Variants in PRDM16 observed in about 807,000 individuals in gnomAD.
The protein encoded by PRDM16 is histone-lysine N-methyltransferase PRDM16.
PRDM16 carries 23 observed loss-of-function variants against 110.6 expected under a neutral mutation model. The ratio of observed to expected loss-of-function variants is 0.21; its 90% CI spans 0.15 to 0.29. The LOEUF (loss-of-function observed/expected upper bound fraction) is 0.29, where lower values mean the gene tolerates loss of function less well. Among genes scored for constraint, PRDM16 ranks in the 10% least tolerant of loss-of-function variants. The pLI, the probability that PRDM16 is intolerant of heterozygous loss-of-function variation, is 1.00. For synonymous variants in PRDM16, 799 were observed against 781.8 expected (o/e 1.02, Z -0.37); for missense variants, 1,615 against 1,794.3 (o/e 0.90, Z 1.81).
rs937966532 is a variant in PRDM16, at chr1:3,425,449, C to T, written c.2940-132C>T. On this transcript the variant is annotated intron_variant, in intron 12 of 16. Coordinates refer to ENST00000270722, the MANE Select transcript of PRDM16 (RefSeq NM_022114.4). The surrounding 1 kb of genome is among the most constrained non-coding windows in gnomAD (Gnocchi z 6.9). Reference sequence around the variant, plus strand: ...TGCAGCTGGGAGATCCAGCAACCTCCGGGACACGGCGGGGCAAAGCTGTGC... The same window carrying T: ...TGCAGCTGGGAGATCCAGCAACCTCTGGGACACGGCGGGGCAAAGCTGTGC... The T allele has an allele frequency of 9.4e-5, 91 of 963,820 alleles. No homozygotes were observed. Among genetic ancestry groups the T allele is most frequent in the African/African-American group, 7.5e-4 (46 of 61,002 alleles). 59.7% of individuals were successfully genotyped at this position (963,820 alleles called of 1,614,324 possible). A position where few individuals can be genotyped will look rare whatever the true frequency, so the allele number is the denominator to read the frequency against.
intron 3 of PRDM16, among the ~76,000 whole-genome samples, chr1:3,381,398 TG>T (rs1451802537): frequency 2.7e-5 from 4 of 147,238 alleles, no homozygotes; most frequent in South Asian, 2.1e-4. Context: ...TGTTTTTTTC[TG>T]GTTTTTTTTT....
At chr1:3,267,825 A>G (rs963753481) in intron 3 of PRDM16, among the ~76,000 whole-genome samples, 2 of 152,136 alleles carry the variant, frequency 1.3e-5, no homozygotes, top group African/African-American at 4.8e-5. Flanking sequence ...ATTGGCTCCC[A>G]GGCCCACAGG....
chr1:3,431,703 T>C (rs1638773629), intron 15 of PRDM16, among the ~76,000 whole-genome samples: 1 of 151,900 alleles, frequency 6.6e-6, no homozygotes, highest in Non-Finnish European at 1.5e-5. Flanking sequence ...CACCCTCCAC[T>C]GGCAAGACCT....
chr1:3,225,592 G>A (rs1463545885), intron 2 of PRDM16, among the ~76,000 whole-genome samples: 9 of 150,548 alleles, frequency 6.0e-5, no homozygotes, highest in African/African-American at 2.2e-4. Flanking sequence ...GCAGAAGGAA[G>A]GAAACGCAAG....
At chr1:3,393,327 G>C (rs1224256058) in intron 4 of PRDM16, among the ~76,000 whole-genome samples, 1 of 152,230 alleles carries the variant, frequency 6.6e-6, no homozygotes, top group Non-Finnish European at 1.5e-5. Context: ...CCCTGAGGCC[G>C]CTGCTGGGGG....
intron 3 of PRDM16, chr1:3,306,526 A>T (rs1641316519): frequency 6.6e-6 from 1 of 152,200 alleles, no homozygotes; most frequent in African/African-American, 2.4e-5. Flanking sequence ...TGTCTTATAG[A>T]TGGAAGTTGT....
intron 4 of PRDM16, among the ~76,000 whole-genome samples, chr1:3,389,744 G>A (rs1172407234): frequency 4.6e-5 from 7 of 152,360 alleles, no homozygotes; most frequent in African/African-American, 9.6e-5. Context: ...TCTCTGGGGA[G>A]CTGCTGGGAG....
At chr1:3,409,746 G>A (rs1001565683) in intron 8 of PRDM16, among the ~76,000 whole-genome samples, 6 of 145,288 alleles carry the variant, frequency 4.1e-5, no homozygotes, top group Non-Finnish European at 9.1e-5. Context: ...GGGTGTGTGT[G>A]TGGTGTGGGT....
Position 3,303,087 on chromosome 1 carries a change from G to A in PRDM16, c.438+58950G>A, listed in dbSNP as rs553256688. ...ACATATATGTCAGTTTTACTGAGAC[G>A]TAATTCACATACCATATAATTTTCC... On this transcript the variant is annotated intron_variant, in intron 3 of 16. Coordinates refer to ENST00000270722, the MANE Select transcript of PRDM16 (RefSeq NM_022114.4). 1.2e-4 allele frequency among the ~76,000 whole-genome samples: 19 copies of A among 152,112 alleles called. 1 individual carries two copies. The East Asian group carries it at 1.5e-3, about 12-fold the overall frequency.
intron 1 of PRDM16, among the ~76,000 whole-genome samples, chr1:3,135,433 G>A (rs1643417955): frequency 6.6e-6 from 1 of 152,218 alleles, no homozygotes; most frequent in Non-Finnish European, 1.5e-5. Flanking sequence ...GTTAAACAAT[G>A]AGCTCCGGGC....
intron 1 of PRDM16, among the ~76,000 whole-genome samples, chr1:3,075,129 G>A (rs1001465695): frequency 3.3e-5 from 5 of 152,248 alleles, no homozygotes; most frequent in Non-Finnish European, 7.3e-5. Flanking sequence ...CCTGAGACGC[G>A]GGAACAATGC....
At chr1:3,109,485 C>T (rs1406083263) in intron 1 of PRDM16, among the ~76,000 whole-genome samples, 1 of 152,194 alleles carries the variant, frequency 6.6e-6, no homozygotes, top group African/African-American at 2.4e-5. Context: ...AGTGATTCCT[C>T]CCCACAGATC....
chr1:3,193,352 A>G (rs1638364682), intron 2 of PRDM16, among the ~76,000 whole-genome samples: 1 of 152,198 alleles, frequency 6.6e-6, no homozygotes, highest in Admixed American at 6.5e-5. Context: ...CATTCCTAGG[A>G]GATCTCCAGG....
At chr1:3,273,213 C>A (rs910999000) in intron 3 of PRDM16, among the ~76,000 whole-genome samples, 1 of 152,154 alleles carries the variant, frequency 6.6e-6, no homozygotes, top group African/African-American at 2.4e-5. Flanking sequence ...CATCCCCCAA[C>A]GCTGGTTTCT....
At chr1:3,140,065 A>AGCGAGACTG (rs2100699546) in intron 1 of PRDM16, among the ~76,000 whole-genome samples, 1 of 152,348 alleles carries the variant, frequency 6.6e-6, no homozygotes, top group Non-Finnish European at 1.5e-5. Flanking sequence ...CAAAGTCACG[A>AGCGAGACTG]GCGAGACTGG....
chr1:3,133,906 C>T (rs1033971021), intron 1 of PRDM16, among the ~76,000 whole-genome samples: 1 of 152,238 alleles, frequency 6.6e-6, no homozygotes, highest in Admixed American at 6.5e-5. Context: ...AGTTGGACCT[C>T]GCCTTGCTCA....
chr1:3,069,883 G>A lies in PRDM16; in HGVS notation c.37+587G>A, dbSNP rs1488856428. 2.0e-5 allele frequency among the ~76,000 whole-genome samples: 3 copies of A among 151,864 alleles called. No individual in the cohort carries two copies. Among genetic ancestry groups the A allele is most frequent in the Non-Finnish European group, 4.4e-5 (3 of 67,928 alleles). On this transcript the variant is annotated intron_variant, in intron 1 of 16. Coordinates refer to ENST00000270722, the MANE Select transcript of PRDM16 (RefSeq NM_022114.4). The surrounding 1 kb of genome is among the most constrained non-coding windows in gnomAD (Gnocchi z 6.1). ...CGCGGGCCGGCGCCCACCCGGCTCCGCGGGCGCAGGGGCAGGGGTGGCGAC... is the reference window on the plus strand; with the variant it reads ...CGCGGGCCGGCGCCCACCCGGCTCCACGGGCGCAGGGGCAGGGGTGGCGAC...
intron 2 of PRDM16, among the ~76,000 whole-genome samples, chr1:3,210,810 G>A (rs151180335): frequency 7.9e-4 from 120 of 152,224 alleles, no homozygotes; most frequent in Non-Finnish European, 1.4e-3. Flanking sequence ...GTTAGATATC[G>A]CTTTGTCCAC....
chr1:3,332,294 A>G (rs981268477), intron 3 of PRDM16, among the ~76,000 whole-genome samples: 2 of 151,972 alleles, frequency 1.3e-5, no homozygotes, highest in African/African-American at 4.8e-5. Flanking sequence ...ATTACTCTTA[A>G]TTGTTTCTCA....
Sources: allele counts gnomAD v4.1 joint callset (sites outside exome capture counted in the v4.1 genomes callset), GRCh38; gene constraint gnomAD v4.1.1; non-coding constraint Gnocchi (gnomAD v3.1); transcripts MANE v1.5; gene names NCBI Gene and HGNC (gene_info 2026-07-23, HGNC 2026-07-21).